Variants in ST3GAL5 observed in about 807,000 individuals in gnomAD.
ST3GAL5 encodes the protein ST3 beta-galactoside alpha-2,3-sialyltransferase 5.
A neutral mutation model predicts 46.1 loss-of-function variants in ST3GAL5; 25 were observed. The observed-to-expected ratio is 0.54, with a 90% CI of 0.40 to 0.76. The LOEUF is 0.76. Ranked by LOEUF, ST3GAL5 falls within the 30% of genes least tolerant of loss-of-function variation. ST3GAL5 has a pLI of 0.00. For synonymous variants in ST3GAL5, 182 were observed against 192.7 expected (o/e 0.94, Z 0.46); for missense variants, 431 against 521.2 (o/e 0.83, Z 1.69).
rs1158025860 is a variant in ST3GAL5 at position 85,881,015 on chromosome 2, T to C, written c.82+7809A>G. 9 of 500,708 alleles carry C rather than the reference T, an allele frequency of 1.8e-5. No homozygotes were observed. The East Asian group carries it at 4.4e-4, about 24-fold the overall frequency. 31.0% of individuals were successfully genotyped at this position (500,708 alleles called of 1,614,324 possible). ...TTGTATCTCCCAGAATTCCCACGTG[T>C]TGTGGGAGGGACCCAGGGGAGGTAA... On this transcript the variant is annotated intron_variant, in intron 1 of 6. Transcript: ENST00000638572.
chr2:85,855,242 T>C (rs1229293620), intron 3 of ST3GAL5: 1 of 152,358 alleles, frequency 6.6e-6, no homozygotes, highest in Non-Finnish European at 1.5e-5. Context: ...TGAGATCTGA[T>C]GGTTTTAAAA....
intron 4 of ST3GAL5, among the ~76,000 whole-genome samples, chr2:85,847,102 ATT>A (rs1231636797): frequency 6.6e-6 from 1 of 152,108 alleles, no homozygotes; most frequent in African/African-American, 2.4e-5. Flanking sequence ...CCAGAAAACA[ATT>A]TTTAAACAGT....
intron 3 of ST3GAL5, chr2:85,848,752 A>G (rs1310694234): frequency 6.0e-6 from 1 of 166,278 alleles, no homozygotes; most frequent in African/African-American, 2.4e-5. Context: ...AGATGAAAAC[A>G]TTCTAGAAAT....
chr2:85,841,229 T>G (rs1682041333), intron 6 of ST3GAL5, among the ~76,000 whole-genome samples: 1 of 151,880 alleles, frequency 6.6e-6, no homozygotes, highest in African/African-American at 2.4e-5. Context: ...ACATCCCACT[T>G]AAGGGCCCCA....
At chr2:85,847,238 T>G (rs1682903086) in intron 4 of ST3GAL5, 1 of 428,350 alleles carries the variant, frequency 2.3e-6, no homozygotes, top group African/African-American at 2.2e-5. Flanking sequence ...AAGCCCCTTC[T>G]CCAGAAGCCA....
At chr2:85,847,308 TG>T in intron 4 of ST3GAL5, 1 of 933,306 alleles carries the variant, frequency 1.1e-6, no homozygotes, top group Non-Finnish European at 1.3e-6. Context: ...CTGGGAGTTG[TG>T]GTCCTTTGCT....
intron 6 of ST3GAL5, chr2:85,840,602 C>A: frequency 1.6e-6 from 1 of 610,464 alleles, no homozygotes; most frequent in South Asian, 1.8e-5. Context: ...CTGTGATGTT[C>A]ACACACTTTC....
At chr2:85,870,002 T>G (rs1177399486) in intron 1 of ST3GAL5, 2 of 349,690 alleles carry the variant, frequency 5.7e-6, no homozygotes, top group Non-Finnish European at 1.1e-5. Context: ...ACCCTCTCCT[T>G]AATTCAATTA....
At chr2:85,858,546 T>G (rs1192940387) in intron 3 of ST3GAL5, among the ~76,000 whole-genome samples, 1 of 152,166 alleles carries the variant, frequency 6.6e-6, no homozygotes, top group Non-Finnish European at 1.5e-5. Context: ...CCTGACCTCA[T>G]GATCCGCCCA....
chr2:85,881,178 T>C (rs1474359687), intron 1 of ST3GAL5, among the ~76,000 whole-genome samples: 1 of 152,212 alleles, frequency 6.6e-6, no homozygotes, highest in Non-Finnish European at 1.5e-5. Flanking sequence ...AAGTGCCTTT[T>C]GCCCTCTACC....
intron 6 of ST3GAL5, 138 bp from the exon 7 acceptor site, chr2:85,840,530 C>G: frequency 1.1e-6 from 1 of 910,204 alleles, no homozygotes; most frequent in East Asian, 2.6e-5. Context: ...TAATTTTATA[C>G]ATCATGAACT....
At chr2:85,851,842 T>C in intron 3 of ST3GAL5, 1 of 570,582 alleles carries the variant, frequency 1.8e-6, no homozygotes, top group Non-Finnish European at 2.7e-6. Context: ...GGTGACTCTC[T>C]CGTAAAATAC....
At chr2:85,865,744 T>G (rs1685219760) in intron 1 of ST3GAL5, 3 of 152,286 alleles carry the variant, frequency 2.0e-5, no homozygotes, top group Admixed American at 1.3e-4. Context: ...TGAGAAAGAC[T>G]CCAGGGCTTC....
chr2:85,875,080 G>A (rs1686379828), intron 1 of ST3GAL5, among the ~76,000 whole-genome samples: 1 of 152,124 alleles, frequency 6.6e-6, no homozygotes, highest in African/African-American at 2.4e-5. Context: ...TTGTTTTTGA[G>A]ACAAGGTCTC....
At chr2:85,865,154 A>G (rs1314040092) in intron 1 of ST3GAL5, among the ~76,000 whole-genome samples, 2 of 152,250 alleles carry the variant, frequency 1.3e-5, no homozygotes, top group Non-Finnish European at 2.9e-5. Flanking sequence ...TGGTTAATTA[A>G]AGGCAAAATT....
Position 85,847,996 on chromosome 2 carries a change from T to C in ST3GAL5, c.527A>G (p.Glu176Gly). The C allele has an allele frequency of 1.2e-6, 2 of 1,614,124 alleles. No homozygotes were observed. The highest frequency in any genetic ancestry group is 2.2e-5 in the South Asian group (2 of 91,082). The change falls in exon 4 of 7, where the codon GAA (glutamate) becomes GGA (glycine). Residue 176 changes from glutamate (E) to glycine (G), a missense_variant. Glu to Gly is a moderately conservative substitution (Grantham distance 98). Transcript: ENST00000638572. ...AGGGAGGTCGTGCTCTGGCAAGAGT[T>C]CCAAGAGGGTCTGGACTTTACTGGA... The part of the protein sequence containing the change: ...KFSSKVQTLL[E>G]LLPEHDLPEH...
chr2:85,883,503 T>C (rs1213174354), intron 1 of ST3GAL5, among the ~76,000 whole-genome samples: 5 of 152,126 alleles, frequency 3.3e-5, no homozygotes, highest in African/African-American at 1.2e-4. Flanking sequence ...ACTAATACAA[T>C]GTGTGTCTTA....
chr2:85,861,913 C>A (rs1044526986), intron 2 of ST3GAL5, among the ~76,000 whole-genome samples: 22 of 151,890 alleles, frequency 1.4e-4, no homozygotes, highest in African/African-American at 5.3e-4. Flanking sequence ...TCCAGTGACA[C>A]AAACCGCAAG....
At chr2:85,887,824 G>A (rs958588872) in intron 1 of ST3GAL5, 2 of 152,268 alleles carry the variant, frequency 1.3e-5, no homozygotes, top group African/African-American at 4.8e-5. Flanking sequence ...GGCAGGAGAT[G>A]AGTCTCCTTC....
Sources: allele counts gnomAD v4.1 joint callset (sites outside exome capture counted in the v4.1 genomes callset), GRCh38; gene constraint gnomAD v4.1.1; transcripts MANE v1.5; gene names NCBI Gene and HGNC (gene_info 2026-07-23, HGNC 2026-07-21).